CACNA1G: variants seen among roughly 807,000 people sequenced by gnomAD.
The protein encoded by CACNA1G is voltage-dependent T-type calcium channel subunit alpha-1G.
Under a neutral mutation model 219.4 loss-of-function variants are expected in CACNA1G, and 67 were observed. The ratio of observed to expected loss-of-function variants is 0.31; its 90% CI spans 0.25 to 0.37. The LOEUF (loss-of-function observed/expected upper bound fraction) is 0.37, where lower values mean the gene tolerates loss of function less well. CACNA1G is among the 10% of genes least tolerant of loss of function. The pLI is 1.00. For synonymous variants in CACNA1G, 1,296 were observed against 1,345.3 expected, an observed-to-expected ratio of 0.96 and a Z score of 0.80; for missense variants, 2,380 against 3,231.4, an observed-to-expected ratio of 0.74 and a Z score of 6.39.
At position 50,606,655 on chromosome 17, in the gene CACNA1G, G is replaced by A. The variant is rs368843659; in HGVS notation, c.4423-245G>A. Among the ~76,000 whole-genome samples the A allele has an allele frequency of 4.9e-4, 74 of 152,276 alleles. No homozygotes were observed. In the South Asian group the frequency reaches 0.015, roughly 31 times the overall value. Reference sequence around the variant, plus strand: ...TGGTTTCTGGATTTCCAGGGTTTTTGTGTCCCTTCTCCTACCTGGCGGAGG... The same window carrying A: ...TGGTTTCTGGATTTCCAGGGTTTTTATGTCCCTTCTCCTACCTGGCGGAGG... On this transcript the variant is annotated intron_variant, in intron 23 of 37. Coordinates refer to ENST00000359106, the MANE Select transcript of CACNA1G (RefSeq NM_018896.5).
Position 50,578,622 on chromosome 17 carries a change from C to T in CACNA1G, c.2301+58C>T, listed in dbSNP as rs1172260538. On this transcript the variant is annotated intron_variant, in intron 9 of 37. Transcript: ENST00000359106. The surrounding 1 kb of genome is among the most constrained non-coding windows in gnomAD (Gnocchi z 4.5). ...AGCTGCTTTTCGCCTGGGGCTGGGG[C>T]CTTCTACCTCCCTCCGCACCCCTCC... 3.4e-6 allele frequency: 5 copies of T among 1,480,906 alleles called. No individual in the cohort carries two copies. The highest frequency in any genetic ancestry group is 3.6e-6 in the Non-Finnish European group (4 of 1,106,274). The allele number at this position is 1,480,906 out of a possible 1,614,324, so 91.7% of individuals were successfully genotyped here.
intron 9 of CACNA1G, among the ~76,000 whole-genome samples, chr17:50,581,356 A>G (rs1568021065): frequency 2.6e-5 from 4 of 151,894 alleles, no homozygotes; most frequent in Admixed American, 2.0e-4. Context: ...GGTGCCCTTA[A>G]TGAGGCAATT....
Position 50,575,575 on chromosome 17 carries a change from G to A in CACNA1G, c.1173G>A (p.Leu391=). The change falls in exon 8 of 38, where the codon CTG becomes CTA. Residue 391 remains leucine (L), a synonymous_variant. Coordinates refer to ENST00000359106, the MANE Select transcript of CACNA1G (RefSeq NM_018896.5). ...CCTTCTTCATGATCAACCTGTGCCT[G>A]GTGGTGATTGCCACGCAGTTCTCAG... ...VGSFFMINLC[L]VVIATQFSET... 2 of 1,612,710 alleles carry A rather than the reference G, an allele frequency of 1.2e-6. No individual in the cohort carries two copies. The highest frequency in any genetic ancestry group is 1.8e-4 in the Middle Eastern group (1 of 5,632).
chr17:50,619,590 T>G, intron 33 of CACNA1G, 93 bp from the exon 34 acceptor site: 1 of 1,258,160 alleles, frequency 7.9e-7, no homozygotes, highest in South Asian at 1.4e-5. Context: ...CCTCTGTTTC[T>G]CTTGTCAATC....
intron 13 of CACNA1G, among the ~76,000 whole-genome samples, chr17:50,592,900 T>C (rs1281360854): frequency 6.6e-6 from 1 of 152,180 alleles, no homozygotes. Flanking sequence ...TGCGGCCTGG[T>C]CTATAAATAC....
chr17:50,576,460 T>G, intron 8 of CACNA1G, 134 bp downstream of exon 8: 1 of 844,106 alleles, frequency 1.2e-6, no homozygotes, highest in Non-Finnish European at 1.9e-6. Context: ...CTTAGGCACC[T>G]TCAACCAGTC....
In CACNA1G at chr17:50,561,168, A is replaced by T; in HGVS notation, c.-292A>T. On this transcript the variant is annotated 5_prime_UTR_variant, in exon 1 of 38. Coordinates refer to ENST00000359106, the MANE Select transcript of CACNA1G (RefSeq NM_018896.5). Reference sequence around the variant, plus strand: ...ACCGGAGCCTGGGCGCGAAGCGAAGAAGCCGGAACAAAGTGAGGGGGAGCC... The same window carrying T: ...ACCGGAGCCTGGGCGCGAAGCGAAGTAGCCGGAACAAAGTGAGGGGGAGCC... 1 of 546,622 alleles carries T rather than the reference A, an allele frequency of 1.8e-6. No individual in the cohort carries two copies. 33.9% of individuals were successfully genotyped at this position (546,622 alleles called of 1,614,324 possible).
chr17:50,588,994 A>G (rs1490858660), intron 9 of CACNA1G, among the ~76,000 whole-genome samples: 7 of 152,216 alleles, frequency 4.6e-5, no homozygotes, highest in Non-Finnish European at 1.0e-4. Flanking sequence ...CGAGACAGTG[A>G]GAAGCAAGGA....
Position 50,600,864 on chromosome 17 carries a change from C to G in CACNA1G, c.3791+38C>G, listed in dbSNP as rs756461261. On this transcript the variant is annotated intron_variant, in intron 18 of 37. Transcript: ENST00000359106. This position sits in a 1 kb window ranked among gnomAD's most constrained non-coding sequence, Gnocchi z 4.1. The stretch of plus-strand genomic sequence containing the variant: ...GCAGGGGTCTGACCTGTGTCCCGAC[C>G]TCTTCTTCTCACGGGAAATTACCGC... 8 of 1,587,508 alleles carry G rather than the reference C, an allele frequency of 5.0e-6. No homozygotes were observed. Among genetic ancestry groups the G allele is most frequent in the Non-Finnish European group, 6.9e-6 (8 of 1,156,440 alleles).
intron 10 of CACNA1G, among the ~76,000 whole-genome samples, chr17:50,591,049 C>T (rs1414673534): frequency 2.0e-5 from 3 of 152,130 alleles, no homozygotes. Flanking sequence ...TTTCCAAGAC[C>T]TTGGGAAAGT....
chr17:50,571,020 G>A lies in CACNA1G; in HGVS notation c.587-858G>A, dbSNP rs774930724. ...CTTGACGAGGGCTTGGCGGACTGGG[G>A]GCTGGTTCAGACCATTTGGGCCGGT... On this transcript the variant is annotated intron_variant, in intron 4 of 37. Transcript: ENST00000359106. This position sits in a 1 kb window ranked among gnomAD's most constrained non-coding sequence, Gnocchi z 4.3. Among the ~76,000 whole-genome samples the A allele has an allele frequency of 6.6e-6, 1 of 152,204 alleles. No homozygotes were observed. Among genetic ancestry groups the A allele is most frequent in the Non-Finnish European group, 1.5e-5 (1 of 68,034 alleles).
In CACNA1G at chr17:50,618,980, C is replaced by T. The variant is rs2051127953; in HGVS notation, c.5753C>T (p.Ala1918Val). The part of the protein sequence containing the change: ...ALHPAAHARS[A>V]SHFSLEHPTD... ...CACCCAGCGGCCCACGCGAGATCAG[C>T]CTCCCACTTTTCCCTGGAGCACCCC... Residue 1918 changes from alanine to valine, a missense_variant, in exon 33 of 38, where the codon GCC becomes GTC. Coordinates refer to ENST00000359106, the MANE Select transcript of CACNA1G (RefSeq NM_018896.5). The surrounding 1 kb of genome is among the most constrained non-coding windows in gnomAD (Gnocchi z 5.3). The T allele has an allele frequency of 6.5e-7, 1 of 1,539,446 alleles. No homozygotes were observed. The highest frequency in any genetic ancestry group is 8.7e-7 in the Non-Finnish European group (1 of 1,144,046).
rs1401906517 is a variant in CACNA1G, at chr17:50,561,486, C to G, written c.27C>G (p.Gly9=). The change falls in exon 1 of 38, where the codon GGC becomes GGG. Residue 9 remains glycine (G), a synonymous_variant. Coordinates refer to ENST00000359106, the MANE Select transcript of CACNA1G (RefSeq NM_018896.5). MDEEEDGA[G]AEESGQPRSF... ...TGGACGAGGAGGAGGATGGAGCGGG[C>G]GCCGAGGAGTCGGGACAGCCCCGGA... is the stretch of plus-strand genomic sequence containing the variant. The G allele has an allele frequency of 6.5e-7, 1 of 1,534,964 alleles. No individual in the cohort carries two copies. Among genetic ancestry groups the G allele is most frequent in the Admixed American group, 2.0e-5 (1 of 50,992 alleles).
intron 16 of CACNA1G, 80 bp from the exon 17 acceptor site, chr17:50,599,348 C>T: frequency 7.8e-7 from 1 of 1,280,606 alleles, no homozygotes; most frequent in African/African-American, 1.5e-5. Context: ...GCCAGTGAGG[C>T]TCCCAGGAGA....
At chr17:50,562,932 G>A (rs1038508864) in intron 1 of CACNA1G, among the ~76,000 whole-genome samples, 7 of 151,964 alleles carry the variant, frequency 4.6e-5, no homozygotes, top group Admixed American at 1.3e-4. Context: ...TCCTGCCACC[G>A]GGGGAAGGAA....
chr17:50,565,130 C>T (rs1054099180), intron 1 of CACNA1G, among the ~76,000 whole-genome samples: 4 of 128,850 alleles, frequency 3.1e-5, no homozygotes, highest in South Asian at 2.2e-4. Context: ...CGCACGCGCG[C>T]GCACACACAC....
chr17:50,615,269 G>T, intron 26 of CACNA1G, 92 bp from the exon 27 acceptor site: 1 of 1,251,422 alleles, frequency 8.0e-7, no homozygotes, highest in Non-Finnish European at 1.1e-6. Flanking sequence ...CAGTTCTGGC[G>T]TTAGAGGCTG....
At chr17:50,609,400 G>C (rs1177680815) in intron 25 of CACNA1G, among the ~76,000 whole-genome samples, 1 of 152,200 alleles carries the variant, frequency 6.6e-6, no homozygotes, top group African/African-American at 2.4e-5. Context: ...AGGGGTCCGG[G>C]TTCGGCTTCC....
At chr17:50,586,619 T>C (rs1259560462) in intron 9 of CACNA1G, among the ~76,000 whole-genome samples, 6 of 152,188 alleles carry the variant, frequency 3.9e-5, no homozygotes, top group African/African-American at 7.2e-5. Flanking sequence ...AGCCTTTCAC[T>C]CCTTTGTTCT....
Sources: gnomAD v4.1 joint callset for allele counts (sites outside exome capture counted in the v4.1 genomes callset) on GRCh38, gnomAD v4.1.1 for gene constraint, Gnocchi (gnomAD v3.1) non-coding constraint, MANE v1.5 for transcripts, NCBI Gene and HGNC (gene_info 2026-07-23, HGNC 2026-07-21) for gene names.